Variants in MAK observed in about 807,000 individuals in gnomAD.
The protein encoded by MAK is serine/threonine-protein kinase MAK.
MAK carries 65 observed loss-of-function variants against 82.6 expected under a neutral mutation model. That is an observed-to-expected ratio of 0.79 (90% confidence interval 0.64 to 0.97). The LOEUF is 0.97. Ranked by LOEUF, MAK falls within the 50% of genes least tolerant of loss-of-function variation. MAK has a pLI of 0.00. For missense variants in MAK, 703 were observed against 780.2 expected (o/e 0.90, Z 1.18); for synonymous variants, 250 against 274.2 (o/e 0.91, Z 0.87).
intron 10 of MAK, among the ~76,000 whole-genome samples, chr6:10,789,366 C>T (rs144516316): frequency 2.9e-4 from 44 of 152,178 alleles, no homozygotes; most frequent in African/African-American, 7.5e-4. Context: ...ACATCACTAA[C>T]GCCTGGTGCT....
At chr6:10,821,021 TCA>T (rs1777901750) in intron 2 of MAK, among the ~76,000 whole-genome samples, 1 of 152,136 alleles carries the variant, frequency 6.6e-6, no homozygotes, top group African/African-American at 2.4e-5. Context: ...TGATCATGGC[TCA>T]CTGTAGCCTT....
rs1427025580 is a variant in MAK at position 10,784,518 on chromosome 6, G to T, written c.1371C>A (p.Ser457Arg). 1 of 1,614,184 alleles carries T rather than the reference G, an allele frequency of 6.2e-7. No homozygotes were observed. Among genetic ancestry groups the T allele is most frequent in the East Asian group, 2.2e-5 (1 of 44,888 alleles). ...ATTTTAGGGAAGTAACAGCAGGTAA[G>T]CTCTTGTTTTCCCCTGTCGAGTGGT... ...GSNHSTGENKSLPAVTSLKSD... is the reference protein window; with the variant it reads ...GSNHSTGENKRLPAVTSLKSD... Residue 457 changes from serine (S) to arginine (R), a missense_variant, in exon 11 of 15, where the codon AGC becomes AGA. Coordinates refer to ENST00000354489, the MANE Select transcript of MAK (RefSeq NM_001242957.3).
intron 11 of MAK, among the ~76,000 whole-genome samples, chr6:10,781,750 G>A (rs1295092306): frequency 6.6e-6 from 1 of 152,028 alleles, no homozygotes; most frequent in Admixed American, 6.6e-5. Context: ...TAAGATACTT[G>A]TAAATTGACT....
chr6:10,795,518 G>GT (rs1775463858), intron 9 of MAK, among the ~76,000 whole-genome samples: 1 of 152,172 alleles, frequency 6.6e-6, no homozygotes, highest in African/African-American at 2.4e-5. Context: ...CAAGGCGGGT[G>GT]TATCACTTGC....
At chr6:10,802,188 CATGAAA>C in intron 7 of MAK, 129 bp from the exon 8 acceptor site, 1 of 700,808 alleles carries the variant, frequency 1.4e-6, no homozygotes, top group Non-Finnish European at 2.4e-6. Context: ...TCCATATAAA[CATGAAA>C]ATGAAATACC....
chr6:10,834,905 G>A (rs746498752), intron 1 of MAK, among the ~76,000 whole-genome samples: 5 of 152,152 alleles, frequency 3.3e-5, no homozygotes, highest in Non-Finnish European at 1.5e-5. Context: ...GTGAAAGAGC[G>A]GGCTAGGGGA....
intron 5 of MAK, among the ~76,000 whole-genome samples, chr6:10,810,110 AAAAAAG>A (rs1313943378): frequency 0.01 from 1,431 of 141,804 alleles, 17 homozygotes; most frequent in Middle Eastern, 0.059. Context: ...AAAAAAAAAA[AAAAAAG>A]AAAGAAAAGA....
At position 10,784,537 on chromosome 6, in the gene MAK, G is replaced by A. The variant is rs200057744; in HGVS notation, c.1352C>T (p.Ser451Leu). 79 of 1,614,082 alleles carry A rather than the reference G, an allele frequency of 4.9e-5. No individual in the cohort carries two copies. The highest frequency in any genetic ancestry group is 6.0e-5 in the Non-Finnish European group (71 of 1,179,978). Residue 451 changes from serine to leucine, a missense_variant, in exon 11 of 15, where the codon TCG (serine) becomes TTG (leucine). Ser to Leu is a moderately radical substitution (Grantham distance 145). Transcript: ENST00000354489. ...PEPVPSGSNH[S>L]TGENKSLPAV... Reference sequence around the variant, plus strand: ...AGGTAAGCTCTTGTTTTCCCCTGTCGAGTGGTTGGAGCCTGAGGGTACTGG... The same window carrying A: ...AGGTAAGCTCTTGTTTTCCCCTGTCAAGTGGTTGGAGCCTGAGGGTACTGG...
chr6:10,773,822 G>C (rs1273157370), intron 12 of MAK, among the ~76,000 whole-genome samples: 2 of 151,662 alleles, frequency 1.3e-5, no homozygotes, highest in Non-Finnish European at 2.9e-5. Context: ...CTCCTGAGCA[G>C]CTGGATTTAT....
At chr6:10,832,352 A>G (rs1272213542) in intron 1 of MAK, among the ~76,000 whole-genome samples, 2 of 152,282 alleles carry the variant, frequency 1.3e-5, no homozygotes, top group East Asian at 3.8e-4. Context: ...CAATTTTGAA[A>G]GAAGTTCTAC....
chr6:10,801,891 C>T lies in MAK; in HGVS notation c.831+1G>A. 1.2e-6 allele frequency: 2 copies of T among 1,614,128 alleles called. No homozygotes were observed. Among genetic ancestry groups the T allele is most frequent in the South Asian group, 2.2e-5 (2 of 91,078 alleles). ...AGGTCTAACAGGAAGACTCCTCTTA[C>T]CTGGCTTGCTGTCGGTCGTTTCTTT... On this transcript the variant is annotated splice_donor_variant, in intron 8 of 14. Transcript: ENST00000354489. LOFTEE classifies it high-confidence loss of function.
intron 12 of MAK, among the ~76,000 whole-genome samples, chr6:10,775,127 C>T (rs1167539094): frequency 6.6e-6 from 1 of 152,114 alleles, no homozygotes; most frequent in Admixed American, 6.5e-5. Context: ...CAGCTACAAA[C>T]AGTTTTATTG....
intron 1 of MAK, among the ~76,000 whole-genome samples, chr6:10,833,811 C>T (rs915955017): frequency 2.0e-5 from 3 of 152,054 alleles, no homozygotes; most frequent in South Asian, 2.1e-4. Flanking sequence ...AGATTAAGCC[C>T]GAGCTAATAA....
intron 2 of MAK, among the ~76,000 whole-genome samples, chr6:10,819,285 C>CT (rs1409500418): frequency 1.5e-4 from 23 of 152,186 alleles, no homozygotes; most frequent in African/African-American, 5.5e-4. Context: ...AAATGTCTCC[C>CT]TACTTAAATG....
intron 3 of MAK, 78 bp downstream of exon 3, chr6:10,818,808 G>A (rs2127577588): frequency 1.3e-6 from 1 of 793,398 alleles, no homozygotes; most frequent in Non-Finnish European, 2.2e-6. Flanking sequence ...GCTTCCCACA[G>A]AGAATAAAAT....
At chr6:10,790,799 T>C (rs753303748) in intron 10 of MAK, among the ~76,000 whole-genome samples, 2 of 152,210 alleles carry the variant, frequency 1.3e-5, no homozygotes, top group Non-Finnish European at 2.9e-5. Flanking sequence ...ATCCCCAGTT[T>C]TGAGGTGGGG....
chr6:10,808,661 A>G, intron 6 of MAK, 149 bp downstream of exon 6: 1 of 833,426 alleles, frequency 1.2e-6, no homozygotes. Flanking sequence ...ATAGCAATAA[A>G]CCAATCCTTC....
chr6:10,770,349 G>A (rs1023508759), intron 13 of MAK, 119 bp from the exon 14 acceptor site: 2 of 1,134,796 alleles, frequency 1.8e-6, no homozygotes, highest in African/African-American at 3.1e-5. Context: ...CTATGTTTTA[G>A]GCACTGAGCT....
chr6:10,774,873 T>C (rs1007814007), intron 12 of MAK, among the ~76,000 whole-genome samples: 13 of 152,242 alleles, frequency 8.5e-5, no homozygotes, highest in African/African-American at 2.7e-4. Context: ...CTTTTCAGAA[T>C]AGAAACTCCT....
Sources: gnomAD v4.1 joint callset for allele counts (sites outside exome capture counted in the v4.1 genomes callset) on GRCh38, gnomAD v4.1.1 for gene constraint, MANE v1.5 for transcripts, NCBI Gene and HGNC (gene_info 2026-07-23, HGNC 2026-07-21) for gene names.